Variants in MCC observed in about 807,000 individuals in gnomAD.
The protein encoded by MCC is colorectal mutant cancer protein.
MCC carries 90 observed loss-of-function variants against 116.2 expected under a neutral mutation model. The observed-to-expected ratio is 0.77, with a 90% confidence interval of 0.65 to 0.92. The LOEUF is 0.92. MCC is among the 40% of genes least tolerant of loss of function. MCC has a pLI of 0.00. For synonymous variants in MCC, 578 were observed against 510.5 expected, an observed-to-expected ratio of 1.13 and a Z score of -1.78; for missense variants, 1,516 against 1,312.2, an observed-to-expected ratio of 1.16 and a Z score of -2.40.
At chr5:113,322,240 T>A (rs1767438707) in intron 3 of MCC, among the ~76,000 whole-genome samples, 2 of 152,234 alleles carry the variant, frequency 1.3e-5, no homozygotes, top group African/African-American at 4.8e-5. Flanking sequence ...TTCCTTGACT[T>A]TACCATCTGG....
chr5:113,293,925 C>A lies in MCC; in HGVS notation c.627+46594G>T, dbSNP rs1383971462. Among the ~76,000 whole-genome samples the A allele has an allele frequency of 2.6e-5, 4 of 152,108 alleles. No homozygotes were observed. In the East Asian group the frequency reaches 7.7e-4, roughly 29 times the overall value. ...TCCAATGCGTCCCCCTCACCACCAC[C>A]ACCCCCACCAAATTAGTTACCGTCG... On this transcript the variant is annotated intron_variant, in intron 3 of 18. Coordinates refer to ENST00000408903, the MANE Select transcript of MCC (RefSeq NM_001085377.2).
At chr5:113,262,472 C>T (rs1765253236) in intron 3 of MCC, among the ~76,000 whole-genome samples, 1 of 152,164 alleles carries the variant, frequency 6.6e-6, no homozygotes, top group African/African-American at 2.4e-5. Context: ...TTCTCACTGT[C>T]TACCACCATG....
chr5:113,430,004 A>G (rs1445772414), intron 1 of MCC, among the ~76,000 whole-genome samples: 1 of 152,204 alleles, frequency 6.6e-6, no homozygotes, highest in Non-Finnish European at 1.5e-5. Flanking sequence ...AACTGCCAGG[A>G]GAGCTCATGA....
In MCC at chr5:113,269,683, T is replaced by C. The variant is rs115921898; in HGVS notation, c.627+70836A>G. On this transcript the variant is annotated intron_variant, in intron 3 of 18. Transcript: ENST00000408903. ...CACTGCCAAAATGTCAATAGTTTTT[T>C]ATTTGGTCAGAAAGGGCCTAATTTA... 5.1e-3 allele frequency among the ~76,000 whole-genome samples: 771 copies of C among 152,328 alleles called. 4 individuals are homozygous for C. The highest frequency in any genetic ancestry group is 0.017 in the African/African-American group (715 of 41,568).
chr5:113,283,880 A>G (rs73246657), intron 3 of MCC, among the ~76,000 whole-genome samples: 20,989 of 152,178 alleles, frequency 0.14, 2,066 homozygotes, highest in Admixed American at 0.28. Context: ...GGGACAGCAA[A>G]ACCAAACCTC....
At chr5:113,142,518 T>C (rs952946318) in intron 5 of MCC, among the ~76,000 whole-genome samples, 7 of 151,932 alleles carry the variant, frequency 4.6e-5, no homozygotes, top group African/African-American at 1.7e-4. Context: ...GTTATTGTTA[T>C]GAAAAGAAAA....
intron 10 of MCC, 99 bp from the exon 11 acceptor site, chr5:113,083,107 G>A: frequency 2.6e-6 from 3 of 1,151,622 alleles, no homozygotes. Context: ...GTGAGAATCG[G>A]GGACTGGGAG....
chr5:113,301,062 G>C (rs1181405344), intron 3 of MCC, among the ~76,000 whole-genome samples: 1 of 152,234 alleles, frequency 6.6e-6, no homozygotes, highest in Admixed American at 6.5e-5. Context: ...CTGTGTGCTA[G>C]ATATTGTCCT....
intron 6 of MCC, among the ~76,000 whole-genome samples, chr5:113,111,814 G>A (rs1757116771): frequency 6.6e-6 from 1 of 152,220 alleles, no homozygotes; most frequent in African/African-American, 2.4e-5. Flanking sequence ...ATTCATGGCT[G>A]TGAAAACTAA....
intron 8 of MCC, among the ~76,000 whole-genome samples, chr5:113,092,368 A>C (rs1260355759): frequency 6.6e-6 from 1 of 152,134 alleles, no homozygotes; most frequent in East Asian, 1.9e-4. Context: ...AGCGACAAGG[A>C]AGTATATTCT....
At chr5:113,090,792 C>T (rs912269400) in intron 8 of MCC, among the ~76,000 whole-genome samples, 1 of 152,210 alleles carries the variant, frequency 6.6e-6, no homozygotes, top group African/African-American at 2.4e-5. Context: ...ATGACAGCTT[C>T]AGCTAAAGTC....
chr5:113,044,407 T>C, intron 16 of MCC: 2 of 753,546 alleles, frequency 2.7e-6, no homozygotes, highest in African/African-American at 3.8e-5. Context: ...CATGCCTGAG[T>C]GCTCTACATT....
At chr5:113,176,214 C>T (rs1001987639) in intron 3 of MCC, among the ~76,000 whole-genome samples, 4 of 150,840 alleles carry the variant, frequency 2.7e-5, no homozygotes, top group African/African-American at 5.0e-5. Flanking sequence ...TATATTAAAA[C>T]ATGACATAAG....
intron 3 of MCC, among the ~76,000 whole-genome samples, chr5:113,167,296 G>C (rs1419464407): frequency 6.6e-6 from 1 of 152,172 alleles, no homozygotes; most frequent in Non-Finnish European, 1.5e-5. Context: ...TGGCAATTGT[G>C]ACTCATAACA....
chr5:113,224,300 C>T (rs1023231726), intron 3 of MCC, among the ~76,000 whole-genome samples: 1 of 152,170 alleles, frequency 6.6e-6, no homozygotes, highest in African/African-American at 2.4e-5. Context: ...ACCATGTTGG[C>T]CAGACTGGTC....
chr5:113,222,400 G>C (rs1411261337), intron 3 of MCC, among the ~76,000 whole-genome samples: 1 of 152,036 alleles, frequency 6.6e-6, no homozygotes, highest in Non-Finnish European at 1.5e-5. Context: ...TACATTTTCT[G>C]ATTTTGGCAT....
intron 3 of MCC, among the ~76,000 whole-genome samples, chr5:113,191,623 C>A (rs1250592997): frequency 6.6e-6 from 1 of 152,190 alleles, no homozygotes; most frequent in Non-Finnish European, 1.5e-5. Flanking sequence ...GTTTCCTCGC[C>A]ACATCTCCGT....
chr5:113,301,475 A>G (rs370486093), intron 3 of MCC, among the ~76,000 whole-genome samples: 23 of 135,352 alleles, frequency 1.7e-4, no homozygotes, highest in Admixed American at 4.4e-4. Context: ...CAAACAAAAG[A>G]AAAAAAAAAA....
chr5:113,311,312 A>C (rs1767129271), intron 3 of MCC, among the ~76,000 whole-genome samples: 1 of 152,184 alleles, frequency 6.6e-6, no homozygotes, highest in South Asian at 2.1e-4. Flanking sequence ...CCAACAGAAT[A>C]AGATGGAATT....
Sources: gnomAD v4.1 joint callset for allele counts (sites outside exome capture counted in the v4.1 genomes callset) on GRCh38, gnomAD v4.1.1 for gene constraint, MANE v1.5 for transcripts, NCBI Gene and HGNC (gene_info 2026-07-23, HGNC 2026-07-21) for gene names.